RPH3AL: variants seen among roughly 807,000 people sequenced by gnomAD.
The protein encoded by RPH3AL is rabphilin 3A like (without C2 domains), also known as rab effector Noc2.
In RPH3AL, 38 loss-of-function variants were observed where a neutral mutation model predicts 43.1. The ratio of observed to expected loss-of-function variants is 0.88; its 90% CI spans 0.68 to 1.15. The LOEUF is 1.15. Among genes scored for constraint, RPH3AL ranks in the 50% most tolerant of loss-of-function variants. RPH3AL has a pLI of 0.00. For synonymous variants in RPH3AL, 189 were observed against 176.3 expected (o/e 1.07, Z -0.57); for missense variants, 462 against 423.2 (o/e 1.09, Z -0.81).
chr17:256,210 G>A (rs1185639860), intron 6 of RPH3AL, among the ~76,000 whole-genome samples: 21 of 106,158 alleles, frequency 2.0e-4, no homozygotes, highest in Admixed American at 3.2e-4. Flanking sequence ...GTCCTTTTCC[G>A]TCCCTAGGAA....
chr17:243,909 T>G (rs1555538399), intron 7 of RPH3AL, among the ~76,000 whole-genome samples: 1 of 150,516 alleles, frequency 6.6e-6, no homozygotes, highest in Non-Finnish European at 1.5e-5. Flanking sequence ...ATTACCTTCC[T>G]CTATTGATTA....
intron 7 of RPH3AL, among the ~76,000 whole-genome samples, chr17:236,203 A>ACC (rs2041390817): frequency 6.6e-6 from 1 of 151,660 alleles, no homozygotes; most frequent in East Asian, 1.9e-4. Context: ...GACCCACAGG[A>ACC]CCCCCACTCT....
In RPH3AL at chr17:296,605, G is replaced by A. The variant is rs556499100; in HGVS notation, c.352-14751C>T. On this transcript the variant is annotated intron_variant, in intron 5 of 9. Coordinates refer to ENST00000331302, the MANE Select transcript of RPH3AL (RefSeq NM_006987.4). ...GGCCAGGCGAGTCCCTCACGAGCTC[G>A]TTTCCGCCGATGGCTCGCCATGGCC... 4.6e-5 allele frequency among the ~76,000 whole-genome samples: 7 copies of A among 152,332 alleles called. No homozygotes were observed. In the South Asian group the frequency reaches 6.2e-4, roughly 14 times the overall value.
intron 5 of RPH3AL, among the ~76,000 whole-genome samples, chr17:308,260 A>C (rs1299901710): frequency 6.6e-6 from 1 of 152,202 alleles, no homozygotes; most frequent in East Asian, 1.9e-4. Flanking sequence ...GAAAGGGAGT[A>C]GGGGACAGGG....
rs867159500 is a variant in RPH3AL, at chr17:273,007, G to A, written c.438+8761C>T. Among the ~76,000 whole-genome samples, 149 of 103,808 alleles carry A rather than the reference G, an allele frequency of 1.4e-3. 1 individual carries two copies. The highest frequency in any genetic ancestry group is 5.0e-3 in the African/African-American group (135 of 26,918). The allele number at this position is 103,808 out of a possible 152,430, so 68.1% of individuals were successfully genotyped here. On this transcript the variant is annotated intron_variant, in intron 6 of 9. Coordinates refer to ENST00000331302, the MANE Select transcript of RPH3AL (RefSeq NM_006987.4). ...GGCTACGTCAGGGTGAGACCCCAGC[G>A]AGGGCGACATCAGGAAGAGACCCCA...
At chr17:232,848 G>A (rs2151516218) in intron 7 of RPH3AL, among the ~76,000 whole-genome samples, 1 of 41,318 alleles carries the variant, frequency 2.4e-5, no homozygotes, top group Middle Eastern at 0.012. Flanking sequence ...GTGTGTGTGT[G>A]TGTGTGTGTG....
At chr17:265,871 C>T (rs782138839) in intron 6 of RPH3AL, among the ~76,000 whole-genome samples, 5 of 152,184 alleles carry the variant, frequency 3.3e-5, no homozygotes, top group Non-Finnish European at 7.3e-5. Context: ...GTTCACGCCT[C>T]GCCTTTGGGC....
chr17:240,804 A>C (rs539966583), intron 7 of RPH3AL, among the ~76,000 whole-genome samples: 2 of 152,328 alleles, frequency 1.3e-5, no homozygotes, highest in Middle Eastern at 3.4e-3. Context: ...TCATGCCTGT[A>C]ATCCCAGCAA....
In RPH3AL at chr17:289,468, C is replaced by CAA. The variant is rs1429596675; in HGVS notation, c.352-7616_352-7615dup. The stretch of plus-strand genomic sequence containing the variant: ...CTGCTGCCACCGCCCACGCCCACAC[C>CAA]AAGGCCGCCCAGCAGATCTCTCTAC... On this transcript the variant is annotated intron_variant, in intron 5 of 9. Coordinates refer to ENST00000331302, the MANE Select transcript of RPH3AL (RefSeq NM_006987.4). This position sits in a 1 kb window ranked among gnomAD's most constrained non-coding sequence, Gnocchi z 5.2. Among the ~76,000 whole-genome samples, 1 of 152,190 alleles carries CAA rather than the reference C, an allele frequency of 6.6e-6. No individual in the cohort carries two copies. The highest frequency in any genetic ancestry group is 2.4e-5 in the African/African-American group (1 of 41,446).
intron 6 of RPH3AL, among the ~76,000 whole-genome samples, chr17:273,380 G>A (rs112683454): frequency 8.4e-5 from 1 of 11,946 alleles, no homozygotes; most frequent in African/African-American, 1.4e-4. Flanking sequence ...CGAGGGTGAC[G>A]TCAGGGAGAG....
rs572033792 is a variant in RPH3AL, at chr17:225,665, C to T, written c.614-5929G>A. Among the ~76,000 whole-genome samples, 75 of 152,284 alleles carry T rather than the reference C, an allele frequency of 4.9e-4. No individual in the cohort carries two copies. Among genetic ancestry groups the T allele is most frequent in the Middle Eastern group, 3.4e-3 (1 of 294 alleles). On this transcript the variant is annotated intron_variant, in intron 7 of 9. Transcript: ENST00000331302. This position sits in a 1 kb window ranked among gnomAD's most constrained non-coding sequence, Gnocchi z 4.4. The stretch of plus-strand genomic sequence containing the variant: ...AGGGTGGGGTGGCTCGTCTGCACAC[C>T]GGTTTCCGCCTCTCTCTGGCAGAGA...
At chr17:314,413 C>T (rs977763661) in intron 5 of RPH3AL, among the ~76,000 whole-genome samples, 1 of 131,168 alleles carries the variant, frequency 7.6e-6, no homozygotes, top group Non-Finnish European at 1.6e-5. Context: ...TGTGCCCCAC[C>T]TCCACTGACA....
At chr17:243,562 CCCT>C (rs1328157449) in intron 7 of RPH3AL, among the ~76,000 whole-genome samples, 2 of 144,006 alleles carry the variant, frequency 1.4e-5, no homozygotes, top group Non-Finnish European at 3.1e-5. Flanking sequence ...TACTGATTGC[CCCT>C]CCTCTACTGA....
intron 6 of RPH3AL, 148 bp from the exon 7 acceptor site, chr17:247,433 C>T: frequency 1.3e-6 from 1 of 754,440 alleles, no homozygotes; most frequent in Admixed American, 3.0e-5. Flanking sequence ...GGCTGATGGG[C>T]TGGGCTGTCA....
chr17:329,160 G>GAA (rs540127017), intron 2 of RPH3AL, among the ~76,000 whole-genome samples: 6 of 149,332 alleles, frequency 4.0e-5, no homozygotes, highest in African/African-American at 1.2e-4. Context: ...CACAGACCAT[G>GAA]AAAAAAAAAA....
intron 5 of RPH3AL, among the ~76,000 whole-genome samples, chr17:285,707 C>T (rs184772609): frequency 2.6e-5 from 4 of 152,342 alleles, no homozygotes; most frequent in African/African-American, 9.6e-5. Flanking sequence ...CATTTTCATC[C>T]TCACCGTGAG....
chr17:226,125 C>G (rs539428207), intron 7 of RPH3AL, among the ~76,000 whole-genome samples: 2 of 152,356 alleles, frequency 1.3e-5, no homozygotes, highest in East Asian at 3.9e-4. Flanking sequence ...CCATTTGGTG[C>G]CCGTGTGCAC....
At chr17:316,705 C>T (rs2044226199) in intron 5 of RPH3AL, among the ~76,000 whole-genome samples, 2 of 150,628 alleles carry the variant, frequency 1.3e-5, no homozygotes, top group African/African-American at 2.4e-5. Context: ...CTCCATTGAC[C>T]TGTAGTCTCT....
At chr17:259,538 A>G (rs7406768) in intron 6 of RPH3AL, among the ~76,000 whole-genome samples, 32,644 of 152,064 alleles carry the variant, frequency 0.21, 3,539 homozygotes, top group African/African-American at 0.24. Flanking sequence ...AAAAGCCCTC[A>G]TGGGAATTAA....
Sources: gnomAD v4.1 joint callset for allele counts (sites outside exome capture counted in the v4.1 genomes callset) on GRCh38, gnomAD v4.1.1 for gene constraint, Gnocchi (gnomAD v3.1) non-coding constraint, MANE v1.5 for transcripts, NCBI Gene and HGNC (gene_info 2026-07-23, HGNC 2026-07-21) for gene names.